ANK3: variants seen among roughly 807,000 people sequenced by gnomAD.
ANK3 encodes ankyrin 3.
Under a neutral mutation model 370.9 loss-of-function variants are expected in ANK3, and 57 were observed. The ratio of observed to expected loss-of-function variants is 0.15; its 90% CI spans 0.12 to 0.19. The LOEUF is 0.19. ANK3 is among the 10% of genes least tolerant of loss of function. The probability of loss-of-function intolerance (pLI) is 1.00; values close to 1 mark genes in which losing one functional copy is unlikely to be tolerated. For synonymous variants in ANK3, 1,929 were observed against 1,946.3 expected, an observed-to-expected ratio of 0.99 and a Z score of 0.23; for missense variants, 4,439 against 5,302.1, an observed-to-expected ratio of 0.84 and a Z score of 5.06.
chr10:60,454,779 C>A (rs1035804241), intron 2 of ANK3, among the ~76,000 whole-genome samples: 1 of 152,078 alleles, frequency 6.6e-6, no homozygotes, highest in Admixed American at 6.6e-5. Context: ...GGGCTTGAAG[C>A]GCTAATTGAA....
At position 60,080,625 on chromosome 10, in the gene ANK3, AGG is replaced by A. The variant is rs1451161540; in HGVS notation, c.4351-9_4351-8del. 1.3e-6 allele frequency: 2 copies of A among 1,574,442 alleles called. No individual in the cohort carries two copies. The highest frequency in any genetic ancestry group is 2.8e-5 in the African/African-American group (2 of 72,260). On this transcript the variant is annotated splice_region_variant and splice_polypyrimidine_tract_variant and intron_variant, in intron 35 of 43. Coordinates refer to ENST00000280772, the MANE Select transcript of ANK3 (RefSeq NM_020987.5). ...GTCTATCTGTTTTCTCAATCTGAAA[AGG>A]AAAAAAAAAAAGACAACTCTATTTC...
chr10:60,125,780 T>G (rs1452561529), intron 25 of ANK3, among the ~76,000 whole-genome samples: 1 of 152,198 alleles, frequency 6.6e-6, no homozygotes, highest in Non-Finnish European at 1.5e-5. Flanking sequence ...TCTTCTCCCT[T>G]CCTATTACTG....
intron 2 of ANK3, among the ~76,000 whole-genome samples, chr10:60,398,371 T>C (rs1250358537): frequency 6.6e-6 from 1 of 152,114 alleles, no homozygotes; most frequent in Non-Finnish European, 1.5e-5. Context: ...CTGAGGGTCT[T>C]TGGGAAAGGG....
intron 1 of ANK3, among the ~76,000 whole-genome samples, chr10:60,728,755 G>C (rs1485578772): frequency 6.6e-6 from 1 of 152,132 alleles, no homozygotes; most frequent in African/African-American, 2.4e-5. Flanking sequence ...ACTACCATTG[G>C]TCTCTCCATC....
intron 1 of ANK3, among the ~76,000 whole-genome samples, chr10:60,729,050 T>C (rs574115816): frequency 6.6e-6 from 1 of 152,246 alleles, no homozygotes; most frequent in Non-Finnish European, 1.5e-5. Context: ...GCTTTCACTG[T>C]GTACCTAAGA....
chr10:60,113,371 A>G (rs1406364852), intron 26 of ANK3, among the ~76,000 whole-genome samples: 9 of 152,196 alleles, frequency 5.9e-5, no homozygotes, highest in Admixed American at 5.9e-4. Context: ...GACCTGTATC[A>G]TATGAGAAAA....
chr10:60,665,331 T>C (rs531702873), intron 1 of ANK3, among the ~76,000 whole-genome samples: 4 of 152,344 alleles, frequency 2.6e-5, no homozygotes, highest in African/African-American at 9.6e-5. Flanking sequence ...CGCAGTTATA[T>C]TCAAAGAGCA....
At chr10:60,043,082 G>C in intron 42 of ANK3, 1 of 1,061,646 alleles carries the variant, frequency 9.4e-7, no homozygotes, top group Non-Finnish European at 1.1e-6. Flanking sequence ...TCACAAGGCA[G>C]CAGAATTGTA....
rs1320810793 is a variant in ANK3, at chr10:60,042,715, A to C, written c.13110T>G (p.His4370Gln). The C allele has an allele frequency of 3.7e-6, 6 of 1,613,798 alleles. No individual in the cohort carries two copies. Among genetic ancestry groups the C allele is most frequent in the Non-Finnish European group, 5.1e-6 (6 of 1,179,972 alleles). Reference sequence around the variant, plus strand: ...GTTACGAGTGGCTCTTCTTTTCCACATGCCGGATTTCTTTCTTCGTTTTCA... The same window carrying C: ...GTTACGAGTGGCTCTTCTTTTCCACCTGCCGGATTTCTTTCTTCGTTTTCA... ...FKVKTKKEIR[H>Q]VEKKSHS The change falls in exon 43 of 44, where the codon CAT (histidine) becomes CAG (glutamine). Residue 4370 changes from histidine (H) to glutamine (Q), a missense_variant. Coordinates refer to ENST00000280772, the MANE Select transcript of ANK3 (RefSeq NM_020987.5).
chr10:60,642,425 A>C (rs2078647271), intron 1 of ANK3, among the ~76,000 whole-genome samples: 1 of 152,166 alleles, frequency 6.6e-6, no homozygotes, highest in Non-Finnish European at 1.5e-5. Flanking sequence ...AATGTGGCAC[A>C]TATACACCAT....
chr10:60,480,052 G>A (rs1595115670), intron 2 of ANK3, among the ~76,000 whole-genome samples: 1 of 152,206 alleles, frequency 6.6e-6, no homozygotes, highest in East Asian at 1.9e-4. Flanking sequence ...CTATTGTTCA[G>A]GAAATGTGGC....
intron 2 of ANK3, among the ~76,000 whole-genome samples, chr10:60,548,357 AC>A (rs2077017721): frequency 6.6e-6 from 1 of 151,602 alleles, no homozygotes; most frequent in Non-Finnish European, 1.5e-5. Context: ...GATCACAGGC[AC>A]CCACCACCAT....
chr10:60,149,694 T>A lies in ANK3; in HGVS notation c.2615-10607A>T, dbSNP rs899617644. Among the ~76,000 whole-genome samples the A allele has an allele frequency of 3.3e-5, 5 of 152,286 alleles. No individual in the cohort carries two copies. In the East Asian group the frequency reaches 9.6e-4, roughly 29 times the overall value. On this transcript the variant is annotated intron_variant, in intron 23 of 43. Transcript: ENST00000280772. ...GGCAGCTGCTGAGGTCACCAAGGAT[T>A]CCCATACCCCTTATTTTGTTTTGTT... is the stretch of plus-strand genomic sequence containing the variant.
chr10:60,070,922 T>C lies in ANK3; in HGVS notation c.9959A>G (p.Asp3320Gly), dbSNP rs1173029125. The C allele has an allele frequency of 6.2e-7, 1 of 1,614,112 alleles. No homozygotes were observed. Among genetic ancestry groups the C allele is most frequent in the Admixed American group, 1.7e-5 (1 of 60,004 alleles). Residue 3320 changes from aspartate (D) to glycine (G), a missense_variant, in exon 37 of 44, where the codon GAC becomes GGC. This residue lies in a region of ANK3 where 1,601 missense variants were observed against 1,731.7 expected (regional missense o/e 0.92). Coordinates refer to ENST00000280772, the MANE Select transcript of ANK3 (RefSeq NM_020987.5). The surrounding 1 kb of genome is among the most constrained non-coding windows in gnomAD (Gnocchi z 5.7). ...TGGGACTGGCTGATAAATAGATTCGTCATCGCTTGAATCACTGACGTCTGC... is the reference window on the plus strand; with the variant it reads ...TGGGACTGGCTGATAAATAGATTCGCCATCGCTTGAATCACTGACGTCTGC... ...PGADVSDSSD[D>G]ESIYQPVPVK...
At chr10:60,465,272 A>T (rs1448676159) in intron 2 of ANK3, among the ~76,000 whole-genome samples, 1 of 152,134 alleles carries the variant, frequency 6.6e-6, no homozygotes, top group East Asian at 1.9e-4. Flanking sequence ...ACCAAAAAAA[A>T]AAAAGAAAGA....
At chr10:60,588,710 C>A (rs908851024) in intron 2 of ANK3, among the ~76,000 whole-genome samples, 1 of 151,706 alleles carries the variant, frequency 6.6e-6, no homozygotes, top group African/African-American at 2.4e-5. Flanking sequence ...AGTTCGAGAC[C>A]AGCCTGGGCA....
chr10:60,693,596 A>AC (rs921394908), intron 1 of ANK3, among the ~76,000 whole-genome samples: 1 of 152,050 alleles, frequency 6.6e-6, no homozygotes, highest in Non-Finnish European at 1.5e-5. Context: ...CTGACCCCTG[A>AC]CCCCCAAGCA....
intron 2 of ANK3, among the ~76,000 whole-genome samples, chr10:60,437,467 C>T (rs1196458427): frequency 6.6e-6 from 1 of 152,158 alleles, no homozygotes. Flanking sequence ...GCCAGGGACC[C>T]AAAAGCAGAG....
intron 2 of ANK3, among the ~76,000 whole-genome samples, chr10:60,404,931 A>C (rs1001830302): frequency 1.3e-5 from 2 of 152,186 alleles, no homozygotes; most frequent in African/African-American, 2.4e-5. Flanking sequence ...CAAATTGGTC[A>C]ATACATACAG....
Sources: allele counts gnomAD v4.1 joint callset (sites outside exome capture counted in the v4.1 genomes callset), GRCh38; gene constraint gnomAD v4.1.1; regional missense constraint gnomAD v4.1.1; non-coding constraint Gnocchi (gnomAD v3.1); transcripts MANE v1.5; gene names NCBI Gene and HGNC (gene_info 2026-07-23, HGNC 2026-07-21).